UVSSA: variants seen among roughly 807,000 people sequenced by gnomAD.
UVSSA encodes UV stimulated scaffold protein A.
In UVSSA, 72 loss-of-function variants were observed where a neutral mutation model predicts 73.9. The observed-to-expected ratio is 0.97, with a 90% confidence interval of 0.81 to 1.19. UVSSA has a LOEUF of 1.19. UVSSA is among the 50% of genes most tolerant of loss of function. The pLI, the probability that UVSSA is intolerant of heterozygous loss-of-function variation, is 0.00. For missense variants in UVSSA, 1,150 were observed against 965.0 expected (o/e 1.19, Z -2.54); for synonymous variants, 454 against 391.3 (o/e 1.16, Z -1.89).
intron 10 of UVSSA, among the ~76,000 whole-genome samples, chr4:1,379,599 C>T (rs1719194924): frequency 1.3e-5 from 2 of 152,214 alleles, no homozygotes; most frequent in South Asian, 4.1e-4. Flanking sequence ...GTGCTACCGC[C>T]CTGTCCTTAC....
At chr4:1,390,581 G>A (rs944585839), downstream of UVSSA, 3 of 152,236 alleles carry the variant, frequency 2.0e-5, no homozygotes, top group African/African-American at 7.2e-5. Flanking sequence ...ACCATACCTG[G>A]CCTGTTACTG....
At chr4:1,366,268 T>G in intron 7 of UVSSA, 52 bp from the exon 8 acceptor site, 1 of 1,412,712 alleles carries the variant, frequency 7.1e-7, no homozygotes, top group Non-Finnish European at 9.7e-7. Context: ...CCGGGAGCTG[T>G]GTTCATACAC....
At chr4:1,376,200 G>A (rs1363279796) in intron 10 of UVSSA, 32 bp downstream of exon 10, 1 of 1,587,358 alleles carries the variant, frequency 6.3e-7, no homozygotes, top group Non-Finnish European at 8.6e-7. Context: ...GTCGGCCAGG[G>A]CACACAACCA....
In UVSSA at chr4:1,380,118, A is replaced by G. The variant is rs765846510; in HGVS notation, c.1640A>G (p.Glu547Gly). ...EEEVVNADIS[E>G]MLRSRHITFA... The stretch of plus-strand genomic sequence containing the variant: ...GAAGTGGTCAATGCCGACATCTCCG[A>G]GATGCTCCGGAGCCGCCACATCACT... The change falls in exon 11 of 14, where the codon GAG (glutamate) becomes GGG (glycine). Residue 547 changes from glutamate (E) to glycine (G), a missense_variant. Coordinates refer to ENST00000389851, the MANE Select transcript of UVSSA (RefSeq NM_020894.4). The G allele has an allele frequency of 1.9e-6, 3 of 1,612,798 alleles. No individual in the cohort carries two copies. In the African/African-American group the frequency reaches 4.0e-5, roughly 22 times the overall value.
chr4:1,395,493 G>A, exon 14 of UVSSA: 1 of 1,587,706 alleles, frequency 6.3e-7, no homozygotes, highest in Non-Finnish European at 8.5e-7. Flanking sequence ...GTGCCATTGT[G>A]GAGTGCCCGC....
Position 1,395,325 on chromosome 4 carries a change from C to G in UVSSA, c.*9364C>G. 1.3e-6 allele frequency: 2 copies of G among 1,556,734 alleles called. No individual in the cohort carries two copies. The highest frequency in any genetic ancestry group is 8.7e-7 in the Non-Finnish European group (1 of 1,152,942). On this transcript the variant is annotated 3_prime_UTR_variant, in exon 14 of 14. Coordinates refer to the UVSSA transcript ENST00000511216. ...CGTGCCCATGTGGAGTGCCCGCCTG[C>G]TCACGTGCCGATGTGGGGTGCCCGC...
intron 12 of UVSSA, among the ~76,000 whole-genome samples, chr4:1,382,600 A>G (rs913782771): frequency 6.6e-6 from 1 of 152,170 alleles, no homozygotes; most frequent in African/African-American, 2.4e-5. Flanking sequence ...TTGTGTTTAA[A>G]CAATTGCTCC....
exon 14 of UVSSA, chr4:1,394,010 G>T: frequency 4.3e-6 from 1 of 230,158 alleles, no homozygotes; most frequent in Non-Finnish European, 8.6e-6. Flanking sequence ...TGTGCCTTCA[G>T]CGCTCCATCG....
At chr4:1,342,916 TATG>T (rs1713478651), upstream of UVSSA, among the ~76,000 whole-genome samples, 2 of 152,034 alleles carry the variant, frequency 1.3e-5, no homozygotes, top group South Asian at 4.2e-4. Flanking sequence ...AACCAGGGGG[TATG>T]ATGAGTCCTC....
chr4:1,360,846 G>A (rs1358901045), intron 7 of UVSSA, among the ~76,000 whole-genome samples: 7 of 152,210 alleles, frequency 4.6e-5, no homozygotes, highest in Non-Finnish European at 8.8e-5. Flanking sequence ...TGAAGGGGGC[G>A]TTTACATAAA....
chr4:1,350,257 G>A (rs1479683409), intron 3 of UVSSA, among the ~76,000 whole-genome samples: 1 of 152,166 alleles, frequency 6.6e-6, no homozygotes, highest in Non-Finnish European at 1.5e-5. Flanking sequence ...ACCCTACTAT[G>A]GGCTCGGGCT....
In UVSSA at chr4:1,388,005, T is replaced by C. The variant is rs1336324737; in HGVS notation, c.*2044T>C. The C allele has an allele frequency of 6.6e-6, 1 of 152,142 alleles. No homozygotes were observed. Among genetic ancestry groups the C allele is most frequent in the Non-Finnish European group, 1.5e-5 (1 of 68,018 alleles). The allele number at this position is 152,142 out of a possible 1,614,324, so 9.4% of individuals were successfully genotyped here. The stretch of plus-strand genomic sequence containing the variant: ...GAATTACATTAAATCTAGAGATTGC[T>C]TTGGAATGTATTACCGTCTTAATAT... On this transcript the variant is annotated 3_prime_UTR_variant, in exon 14 of 14. Coordinates refer to ENST00000389851, the MANE Select transcript of UVSSA (RefSeq NM_020894.4).
chr4:1,395,648 A>G, exon 14 of UVSSA: 2 of 1,530,594 alleles, frequency 1.3e-6, no homozygotes, highest in African/African-American at 1.7e-5. Flanking sequence ...ACACGTGCCC[A>G]TGTGGAGTGC....
In UVSSA at chr4:1,387,606, C is replaced by G. The variant is rs750972169; in HGVS notation, c.*1645C>G. The G allele has an allele frequency of 5.1e-5, 6 of 118,562 alleles. No individual in the cohort carries two copies. Among genetic ancestry groups the G allele is most frequent in the Non-Finnish European group, 9.3e-5 (5 of 53,986 alleles). The allele number at this position is 118,562 out of a possible 1,614,324, so 7.3% of individuals were successfully genotyped here. A position where few individuals can be genotyped will look rare whatever the true frequency, so the allele number is the denominator to read the frequency against. ...CAGCTCTTATGTGTAGATCTTTGAT[C>G]CATTGTGAATTAAGTTTTGTGTGTG... On this transcript the variant is annotated 3_prime_UTR_variant, in exon 14 of 14. Coordinates refer to ENST00000389851, the MANE Select transcript of UVSSA (RefSeq NM_020894.4).
At chr4:1,395,504 C>T in exon 14 of UVSSA, 1 of 1,599,406 alleles carries the variant, frequency 6.3e-7, no homozygotes, top group East Asian at 2.3e-5. Flanking sequence ...GAGTGCCCGC[C>T]TGCTCACACA....
chr4:1,355,384 C>T, intron 7 of UVSSA, 139 bp downstream of exon 7: 1 of 829,374 alleles, frequency 1.2e-6, no homozygotes, highest in Non-Finnish European at 1.9e-6. Flanking sequence ...TCAGCAGGAC[C>T]TGCCTCCCCA....
chr4:1,394,640 C>A lies in UVSSA; in HGVS notation c.*8679C>A, dbSNP rs114966751. On this transcript the variant is annotated 3_prime_UTR_variant, in exon 14 of 14. Transcript: ENST00000511216. ...CTCACACATGTCGATGCGGAGTGCC[C>A]GCCTGCTCACACATGCCCATGTGGA... 1.0e-4 allele frequency: 159 copies of A among 1,524,608 alleles called. 2 individuals carry two copies. The African/African-American group carries it at 2.1e-3, about 20-fold the overall frequency. 94.4% of individuals were successfully genotyped at this position (1,524,608 alleles called of 1,614,324 possible). A position where few individuals can be genotyped will look rare whatever the true frequency, so the allele number is the denominator to read the frequency against.
At chr4:1,364,463 G>A (rs1448311199) in intron 7 of UVSSA, among the ~76,000 whole-genome samples, 1 of 152,226 alleles carries the variant, frequency 6.6e-6, no homozygotes, top group Admixed American at 6.5e-5. Context: ...CCCGCCCTAG[G>A]GGTCAGGGGT....
chr4:1,380,866 T>A lies in UVSSA; in HGVS notation c.1753-14T>A, dbSNP rs760950253. 6.8e-6 allele frequency: 11 copies of A among 1,609,258 alleles called. No individual in the cohort carries two copies. The highest frequency in any genetic ancestry group is 9.3e-6 in the Non-Finnish European group (11 of 1,177,256). On this transcript the variant is annotated splice_polypyrimidine_tract_variant and intron_variant, in intron 11 of 13. Transcript: ENST00000389851. Reference sequence around the variant, plus strand: ...CCCCTCCCCGCCATCAGCCACCGTGTCCTCGCTGTGCAGTGCCCTTTCCAT... The same window carrying A: ...CCCCTCCCCGCCATCAGCCACCGTGACCTCGCTGTGCAGTGCCCTTTCCAT...
Sources: allele counts gnomAD v4.1 joint callset (sites outside exome capture counted in the v4.1 genomes callset), GRCh38; gene constraint gnomAD v4.1.1; transcripts MANE v1.5; gene names NCBI Gene and HGNC (gene_info 2026-07-23, HGNC 2026-07-21).